Variants in MSH4 observed in about 807,000 individuals in gnomAD.
MSH4 encodes the protein mutS homolog 4, also known as mutS protein homolog 4.
Under a neutral mutation model 113.7 loss-of-function variants are expected in MSH4, and 106 were observed. The observed-to-expected ratio is 0.93, with a 90% CI of 0.80 to 1.10. MSH4 has a LOEUF of 1.10. MSH4 is among the 50% of genes least tolerant of loss of function. MSH4 has a pLI of 0.00. For missense variants in MSH4, 1,061 were observed against 1,093.7 expected (o/e 0.97, Z 0.42); for synonymous variants, 368 against 380.2 (o/e 0.97, Z 0.37).
intron 2 of MSH4, among the ~76,000 whole-genome samples, chr1:75,805,552 C>A (rs1478104306): frequency 2.4e-5 from 1 of 42,394 alleles, no homozygotes; most frequent in African/African-American, 7.6e-5. Context: ...CATGCTCAGC[C>A]AATTTTTTTT....
In MSH4 at chr1:75,810,808, G is replaced by T. The variant is rs764910157; in HGVS notation, c.699+1G>T. 3 of 1,432,426 alleles carry T rather than the reference G, an allele frequency of 2.1e-6. No individual in the cohort carries two copies. The highest frequency in any genetic ancestry group is 2.9e-6 in the Non-Finnish European group (3 of 1,034,638). 88.7% of individuals were successfully genotyped at this position (1,432,426 alleles called of 1,614,324 possible). On this transcript the variant is annotated splice_donor_variant, in intron 4 of 19. Coordinates refer to ENST00000263187, the MANE Select transcript of MSH4 (RefSeq NM_002440.4). LOFTEE classifies it high-confidence loss of function. ...CACTCTGATCACAGAAAATTTCAAG[G>T]TAAGTGATGTTTACTGTTTGTAACA...
At chr1:75,860,307 G>C (rs1420887668) in intron 8 of MSH4, among the ~76,000 whole-genome samples, 1 of 152,124 alleles carries the variant, frequency 6.6e-6, no homozygotes, top group African/African-American at 2.4e-5. Flanking sequence ...CTGTCATCAT[G>C]ATGCTAGCTG....
intron 19 of MSH4, among the ~76,000 whole-genome samples, chr1:75,903,024 T>G (rs1464727143): frequency 6.6e-6 from 1 of 151,324 alleles, no homozygotes; most frequent in Non-Finnish European, 1.5e-5. Flanking sequence ...TTTTTTTTTT[T>G]GCTATGCAGA....
At chr1:75,893,197 A>G (rs1488006697) in intron 17 of MSH4, among the ~76,000 whole-genome samples, 1 of 152,174 alleles carries the variant, frequency 6.6e-6, no homozygotes, top group Non-Finnish European at 1.5e-5. Flanking sequence ...TTAAATAACA[A>G]AAAAGCACCA....
intron 15 of MSH4, among the ~76,000 whole-genome samples, chr1:75,884,999 A>ATG (rs1214035497): frequency 6.9e-6 from 1 of 144,574 alleles, no homozygotes; most frequent in Non-Finnish European, 1.5e-5. Context: ...GTGTATATAT[A>ATG]TGTGTGTGTG....
chr1:75,881,315 G>T lies in MSH4; in HGVS notation c.1851G>T (p.Val617=). 6.2e-7 allele frequency: 1 copy of T among 1,611,712 alleles called. No individual in the cohort carries two copies. The highest frequency in any genetic ancestry group is 8.5e-7 in the Non-Finnish European group (1 of 1,178,674). The change falls in exon 14 of 20, where the codon GTG becomes GTT. Residue 617 remains valine, a synonymous_variant. Coordinates refer to ENST00000263187, the MANE Select transcript of MSH4 (RefSeq NM_002440.4). ...GCTTATATAAACTATCTGACACTGT[G>T]TCAATGCTGGATATGCTACTGTCAT... ...IHCLYKLSDT[V]SMLDMLLSFA...
In MSH4 at chr1:75,883,825, A is replaced by G. The variant is rs764290657; in HGVS notation, c.2107+4A>G. The G allele has an allele frequency of 1.9e-6, 3 of 1,605,738 alleles. No individual in the cohort carries two copies. Among genetic ancestry groups the G allele is most frequent in the Non-Finnish European group, 2.5e-6 (3 of 1,176,696 alleles). On this transcript the variant is annotated splice_donor_region_variant and intron_variant, in intron 15 of 19. Transcript: ENST00000263187. Reference sequence around the variant, plus strand: ...TGTCAGATTATGGCCCAGATTGGTAAGTTATGGCTTTATTTATAATGACCA... The same window carrying G: ...TGTCAGATTATGGCCCAGATTGGTAGGTTATGGCTTTATTTATAATGACCA...
In MSH4 at chr1:75,837,405, T is replaced by C. The variant is rs1257341359; in HGVS notation, c.1163-10804T>C. Among the ~76,000 whole-genome samples the C allele has an allele frequency of 9.8e-5, 12 of 122,686 alleles. No homozygotes were observed. In the Admixed American group the frequency reaches 1.1e-3, roughly 11 times the overall value. The allele number at this position is 122,686 out of a possible 152,430, so 80.5% of individuals were successfully genotyped here. On this transcript the variant is annotated intron_variant, in intron 7 of 19. Coordinates refer to ENST00000263187, the MANE Select transcript of MSH4 (RefSeq NM_002440.4). Reference sequence around the variant, plus strand: ...TGTGCCCTTTTTTTTTTTTTTTTTTTTGAGACGGAGTCTTGCTGTCACCTA... The same window carrying C: ...TGTGCCCTTTTTTTTTTTTTTTTTTCTGAGACGGAGTCTTGCTGTCACCTA...
intron 8 of MSH4, among the ~76,000 whole-genome samples, chr1:75,854,011 G>GTATATATACATATATATA (rs72458089): frequency 8.9e-6 from 1 of 112,134 alleles, no homozygotes; most frequent in African/African-American, 2.8e-5. Context: ...AAGTGTGTGT[G>GTATATATACATATATATA]TGTATATATA....
At chr1:75,824,850 G>T (rs1207005295) in intron 7 of MSH4, among the ~76,000 whole-genome samples, 1 of 147,730 alleles carries the variant, frequency 6.8e-6, no homozygotes, top group Non-Finnish European at 1.5e-5. Flanking sequence ...TACCGTTTTA[G>T]TTACTGTAGC....
At chr1:75,892,455 G>A (rs12727376) in intron 17 of MSH4, among the ~76,000 whole-genome samples, 7,124 of 151,660 alleles carry the variant, frequency 0.047, 208 homozygotes, top group African/African-American at 0.064. Context: ...TTTCTCTGGA[G>A]AACCCTAATA....
chr1:75,803,826 T>C lies in MSH4; in HGVS notation c.340T>C (p.Tyr114His), dbSNP rs982559331. Residue 114 changes from tyrosine to histidine, a missense_variant, in exon 2 of 20, where the codon TAT becomes CAT. Physicochemically the swap from Tyr to His is moderately conservative, Grantham distance 83. Coordinates refer to ENST00000263187, the MANE Select transcript of MSH4 (RefSeq NM_002440.4). The stretch of plus-strand genomic sequence containing the variant: ...CTCATCTTCTGCACGAGATACTAAT[T>C]ATCCTCAAACACTTAAAACTCCATT... ...ASSSSARDTN[Y>H]PQTLKTPLST... 3 of 1,605,180 alleles carry C rather than the reference T, an allele frequency of 1.9e-6. No homozygotes were observed. The highest frequency in any genetic ancestry group is 2.6e-6 in the Non-Finnish European group (3 of 1,176,236).
intron 17 of MSH4, among the ~76,000 whole-genome samples, chr1:75,891,068 G>A (rs1209341745): frequency 6.6e-6 from 1 of 152,080 alleles, no homozygotes; most frequent in African/African-American, 2.4e-5. Flanking sequence ...TTAGTCAGTT[G>A]GCTTTAATTT....
At chr1:75,853,367 AT>A (rs1231715563) in intron 8 of MSH4, among the ~76,000 whole-genome samples, 1 of 151,942 alleles carries the variant, frequency 6.6e-6, no homozygotes, top group Non-Finnish European at 1.5e-5. Flanking sequence ...ACCTGGCCTG[AT>A]TTTTTTTATT....
intron 4 of MSH4, among the ~76,000 whole-genome samples, chr1:75,812,843 T>G (rs1229464171): frequency 6.6e-6 from 1 of 152,208 alleles, no homozygotes; most frequent in African/African-American, 2.4e-5. Context: ...CTGAGTTTTC[T>G]TAGGCTGGCA....
rs946117741 is a variant in MSH4 at position 75,910,434 on chromosome 1, CT to C, written c.2620-2253del. Among the ~76,000 whole-genome samples, 6 of 148,926 alleles carry C rather than the reference CT, an allele frequency of 4.0e-5. No homozygotes were observed. In the East Asian group the frequency reaches 7.8e-4, roughly 19 times the overall value. ...CTTCTTCACTAGTACTTTTTCTTTT[CT>C]TTTTTTTTCTTTTTTTTGAAACAAG... On this transcript the variant is annotated intron_variant, in intron 19 of 19. Coordinates refer to ENST00000263187, the MANE Select transcript of MSH4 (RefSeq NM_002440.4).
At chr1:75,877,944 T>A (rs2100569903) in intron 10 of MSH4, among the ~76,000 whole-genome samples, 1 of 152,326 alleles carries the variant, frequency 6.6e-6, no homozygotes, top group South Asian at 2.1e-4. Context: ...GATGCTGTTT[T>A]AGACTAGTCC....
chr1:75,885,036 T>G (rs1652035649), intron 15 of MSH4, among the ~76,000 whole-genome samples: 1 of 105,760 alleles, frequency 9.5e-6, no homozygotes, highest in Non-Finnish European at 1.9e-5. Flanking sequence ...TATATGTGTG[T>G]GTGTGTGTGT....
chr1:75,804,672 G>A (rs980390170), intron 2 of MSH4, among the ~76,000 whole-genome samples: 14 of 151,286 alleles, frequency 9.3e-5, no homozygotes, highest in African/African-American at 3.4e-4. Context: ...TACCACGCCC[G>A]GCTAATTTTT....
Sources: gnomAD v4.1 joint callset for allele counts (sites outside exome capture counted in the v4.1 genomes callset) on GRCh38, gnomAD v4.1.1 for gene constraint, MANE v1.5 for transcripts, NCBI Gene and HGNC (gene_info 2026-07-23, HGNC 2026-07-21) for gene names.